Variants in PARP4 observed in about 807,000 individuals in gnomAD.
PARP4 encodes the protein protein mono-ADP-ribosyltransferase PARP4.
PARP4 carries 120 observed loss-of-function variants against 187.7 expected under a neutral mutation model. The ratio of observed to expected loss-of-function variants is 0.64; its 90% CI spans 0.55 to 0.74. The LOEUF is 0.74. Among genes scored for constraint, PARP4 ranks in the 30% least tolerant of loss-of-function variants. The probability of loss-of-function intolerance (pLI) is 0.00; values close to 1 mark genes in which losing one functional copy is unlikely to be tolerated. For synonymous variants in PARP4, 654 were observed against 740.9 expected, an observed-to-expected ratio of 0.88 and a Z score of 1.90; for missense variants, 1,836 against 2,070.5, an observed-to-expected ratio of 0.89 and a Z score of 2.20.
Position 24,447,071 on chromosome 13 carries a change from G to A in PARP4, c.3230C>T (p.Ser1077Phe), listed in dbSNP as rs540382374. The change falls in exon 26 of 34, where the codon TCC becomes TTC. Residue 1077 changes from serine (S) to phenylalanine (F), a missense_variant. This residue lies in a region of PARP4 where 56 missense variants were observed against 103.7 expected (regional missense o/e 0.54). Transcript: ENST00000381989. ...EALQAPAQVP[S>F]LFLNDRLLVY... ...AAGGAGTCGATCATTGAGAAACAAGGACGGCACCTGGGCTGGGGCCTGCAG... is the reference window on the plus strand; with the variant it reads ...AAGGAGTCGATCATTGAGAAACAAGAACGGCACCTGGGCTGGGGCCTGCAG... 1.2e-6 allele frequency: 2 copies of A among 1,610,234 alleles called. No individual in the cohort carries two copies. The highest frequency in any genetic ancestry group is 1.3e-5 in the African/African-American group (1 of 74,974).
chr13:24,442,373 C>T (rs1235642124), intron 29 of PARP4, among the ~76,000 whole-genome samples: 1 of 152,288 alleles, frequency 6.6e-6, no homozygotes, highest in African/African-American at 2.4e-5. Context: ...AAAATGATAA[C>T]ATACTCAACT....
intron 33 of PARP4, among the ~76,000 whole-genome samples, chr13:24,425,573 A>G (rs1220978038): frequency 1.8e-3 from 190 of 103,032 alleles, no homozygotes; most frequent in African/African-American, 6.9e-3. Flanking sequence ...GTGTGTGTAT[A>G]TCTATATCTA....
chr13:24,448,478 G>T (rs1209478913), intron 25 of PARP4, among the ~76,000 whole-genome samples: 2 of 151,942 alleles, frequency 1.3e-5, no homozygotes, highest in South Asian at 2.1e-4. Context: ...AATGATGAGT[G>T]TTGGTGAGGA....
At chr13:24,491,740 T>TAGGA (rs1868666396) in intron 9 of PARP4, among the ~76,000 whole-genome samples, 1 of 150,746 alleles carries the variant, frequency 6.6e-6, no homozygotes, top group Non-Finnish European at 1.5e-5. Flanking sequence ...GCTTCTCTCC[T>TAGGA]GGCAGCTCAG....
At chr13:24,437,754 G>A (rs989430448) in intron 30 of PARP4, among the ~76,000 whole-genome samples, 3 of 151,376 alleles carry the variant, frequency 2.0e-5, no homozygotes, top group South Asian at 2.1e-4. Flanking sequence ...TGAGAGGATC[G>A]CTGGAGGCCA....
chr13:24,506,907 G>A (rs965422113), intron 1 of PARP4, among the ~76,000 whole-genome samples: 2 of 152,216 alleles, frequency 1.3e-5, no homozygotes, highest in Non-Finnish European at 1.5e-5. Flanking sequence ...CAACTGAGGC[G>A]GGAGAGCTCA....
At chr13:24,499,211 G>A in intron 5 of PARP4, 90 bp downstream of exon 5, 2 of 1,372,926 alleles carry the variant, frequency 1.5e-6, no homozygotes, top group East Asian at 5.4e-5. Flanking sequence ...TCAAAACAAT[G>A]AGAAAATGAC....
rs758906539 is a variant in PARP4, at chr13:24,449,804, G to A, written c.3028C>T (p.Arg1010Cys). The change falls in exon 25 of 34, where the codon CGT becomes TGT. Residue 1010 changes from arginine to cysteine, a missense_variant. Coordinates refer to ENST00000381989, the MANE Select transcript of PARP4 (RefSeq NM_006437.4). ...TGGGACAAAATCCTTAAGACGTGAC[G>A]ATTTGCTGTAGAACTGATCACATTT... ...FACGIGSTAN[R>C]HVLRILSQCG... 4.3e-5 allele frequency: 69 copies of A among 1,598,730 alleles called. No homozygotes were observed. The highest frequency in any genetic ancestry group is 1.3e-4 in the South Asian group (12 of 90,670).
At chr13:24,456,231 A>C in intron 21 of PARP4, 110 bp downstream of exon 21, 1 of 835,276 alleles carries the variant, frequency 1.2e-6, no homozygotes, top group Non-Finnish European at 1.8e-6. Flanking sequence ...GTGAGAGTTC[A>C]TTTTGTAATG....
intron 25 of PARP4, among the ~76,000 whole-genome samples, chr13:24,447,537 T>A (rs1972901): frequency 0.83 from 125,701 of 151,996 alleles, 54,495 homozygotes; most frequent in East Asian, 0.98. Flanking sequence ...ATTTTTGTAT[T>A]TTTAGTAGAG....
intron 1 of PARP4, among the ~76,000 whole-genome samples, chr13:24,511,459 A>G (rs548225306): frequency 4.6e-5 from 7 of 152,174 alleles, no homozygotes; most frequent in Non-Finnish European, 8.8e-5. Flanking sequence ...TTCTTCCCCA[A>G]ATAACATTCA....
chr13:24,462,323 T>G (rs905379952), intron 17 of PARP4, among the ~76,000 whole-genome samples: 1 of 152,172 alleles, frequency 6.6e-6, no homozygotes, highest in African/African-American at 2.4e-5. Context: ...GTAGTGGCAG[T>G]CCACCACTGG....
At position 24,503,694 on chromosome 13, in the gene PARP4, G is replaced by A. The variant is rs1157762691; in HGVS notation, c.83C>T (p.Thr28Ile). The A allele has an allele frequency of 1.2e-6, 2 of 1,613,774 alleles. No individual in the cohort carries two copies. The highest frequency in any genetic ancestry group is 4.5e-5 in the East Asian group (2 of 44,904). The change falls in exon 2 of 34, where the codon ACT becomes ATT. Residue 28 changes from threonine to isoleucine, a missense_variant. Physicochemically the swap from Thr to Ile is moderately conservative, Grantham distance 89. Transcript: ENST00000381989. ...LPQQQKKKLQ[T>I]DIKENGGKFS... The stretch of plus-strand genomic sequence containing the variant: ...CTTTCCGCCATTTTCCTTAATGTCA[G>A]TTTGTAGCTTTTTCTTCTGCTGCTG...
chr13:24,445,725 G>C (rs1044681866), intron 27 of PARP4, among the ~76,000 whole-genome samples: 1 of 152,196 alleles, frequency 6.6e-6, no homozygotes, highest in African/African-American at 2.4e-5. Context: ...AGCTGTTACA[G>C]CAAATTACTG....
chr13:24,502,287 C>T (rs1869343784), intron 2 of PARP4, among the ~76,000 whole-genome samples: 1 of 152,174 alleles, frequency 6.6e-6, no homozygotes, highest in Admixed American at 6.5e-5. Flanking sequence ...TCAAGTGATT[C>T]TCCCATCTCA....
chr13:24,442,366 AT>A (rs1349707364), intron 29 of PARP4, among the ~76,000 whole-genome samples: 1 of 152,304 alleles, frequency 6.6e-6, no homozygotes, highest in Admixed American at 6.5e-5. Flanking sequence ...AACATTAAAA[AT>A]GATAACATAC....
rs530062116 is a variant in PARP4 at position 24,481,677 on chromosome 13, G to T, written c.1448+2976C>A. ...CATTGCACTCCAGCCTGGGCAACAA[G>T]AGCAAACTCCATCTCAAAAAAGAAA... On this transcript the variant is annotated intron_variant, in intron 12 of 33. Transcript: ENST00000381989. 7.1e-4 allele frequency among the ~76,000 whole-genome samples: 108 copies of T among 152,218 alleles called. 2 individuals carry two copies. In the South Asian group the frequency reaches 0.022, roughly 31 times the overall value.
chr13:24,421,860 A>G (rs1309807562), intron 33 of PARP4, among the ~76,000 whole-genome samples: 2 of 152,268 alleles, frequency 1.3e-5, no homozygotes, highest in Non-Finnish European at 2.9e-5. Flanking sequence ...AATATTTGAG[A>G]CTGTTGAATA....
chr13:24,485,947 G>T (rs532780115), intron 11 of PARP4, among the ~76,000 whole-genome samples: 1 of 152,186 alleles, frequency 6.6e-6, no homozygotes, highest in East Asian at 1.9e-4. Flanking sequence ...GCCTCCCAAA[G>T]TATTAGGATT....
Sources: allele counts gnomAD v4.1 joint callset (sites outside exome capture counted in the v4.1 genomes callset), GRCh38; gene constraint gnomAD v4.1.1; regional missense constraint gnomAD v4.1.1; transcripts MANE v1.5; gene names NCBI Gene and HGNC (gene_info 2026-07-23, HGNC 2026-07-21).